The following ZBTB17 variants were observed in gnomAD, a reference collection of about 807,000 sequenced individuals.
ZBTB17 encodes the protein zinc finger and BTB domain-containing protein 17.
In ZBTB17, 24 loss-of-function variants were observed where a neutral mutation model predicts 85.1. The observed-to-expected ratio is 0.28, with a 90% CI of 0.20 to 0.40. The LOEUF is 0.40. ZBTB17 is among the 10% of genes least tolerant of loss of function. The probability of loss-of-function intolerance (pLI) is 1.00; values close to 1 mark genes in which losing one functional copy is unlikely to be tolerated. For synonymous variants in ZBTB17, 464 were observed against 460.2 expected, an observed-to-expected ratio of 1.01 and a Z score of -0.11; for missense variants, 743 against 1,105.1, an observed-to-expected ratio of 0.67 and a Z score of 4.65.
intron 2 of ZBTB17, among the ~76,000 whole-genome samples, chr1:15,955,013 G>A (rs2071994316): frequency 6.6e-6 from 1 of 152,278 alleles, no homozygotes; most frequent in South Asian, 2.1e-4. Context: ...AATTAGCTGG[G>A]TGTGGTGGTG....
At chr1:15,956,761 T>C (rs941727112) in intron 2 of ZBTB17, among the ~76,000 whole-genome samples, 2 of 152,194 alleles carry the variant, frequency 1.3e-5, no homozygotes, top group Non-Finnish European at 2.9e-5. Context: ...GGTACTATGT[T>C]AGAACTTCAA....
rs1570140092 is a variant in ZBTB17 at position 15,951,309 on chromosome 1, A to AAGGAAGGAAGGGAGAG, written c.-2-2828_-2-2813dup. Among the ~76,000 whole-genome samples, 1 of 129,840 alleles carries AAGGAAGGAAGGGAGAG rather than the reference A, an allele frequency of 7.7e-6. No homozygotes were observed. The highest frequency in any genetic ancestry group is 1.6e-5 in the Non-Finnish European group (1 of 61,206). The allele number at this position is 129,840 out of a possible 152,430, so 85.2% of individuals were successfully genotyped here. On this transcript the variant is annotated intron_variant, in intron 2 of 15. Transcript: ENST00000375743. The surrounding 1 kb of genome is among the most constrained non-coding windows in gnomAD (Gnocchi z 4.1). The stretch of plus-strand genomic sequence containing the variant: ...GGGAAGGAAAGGAGAGAGAAGAAGG[A>AAGGAAGGAAGGGAGAG]AGGAAGGAAGGGAGAGAGGGAGGGA...
At chr1:15,947,254 C>G in intron 3 of ZBTB17, 131 bp from the exon 4 acceptor site, 1 of 951,668 alleles carries the variant, frequency 1.1e-6, no homozygotes, top group Non-Finnish European at 1.6e-6. Context: ...ATCGCCCCAT[C>G]TCCTCTGTGG....
Position 15,973,906 on chromosome 1 carries a change from G to A in ZBTB17, c.-89-781C>T, listed in dbSNP as rs1182073104. ...TCTTCCTAATCCACAAATCTGATTCGTGGCCAGGCATGGTTGCACATGCCT... is the reference window on the plus strand; with the variant it reads ...TCTTCCTAATCCACAAATCTGATTCATGGCCAGGCATGGTTGCACATGCCT... On this transcript the variant is annotated intron_variant, in intron 1 of 15. Transcript: ENST00000375743. This position sits in a 1 kb window ranked among gnomAD's most constrained non-coding sequence, Gnocchi z 4.1. Among the ~76,000 whole-genome samples, 4 of 152,108 alleles carry A rather than the reference G, an allele frequency of 2.6e-5. No homozygotes were observed. Among genetic ancestry groups the A allele is most frequent in the Non-Finnish European group, 2.9e-5 (2 of 68,028 alleles).
intron 6 of ZBTB17, 31 bp from the exon 7 acceptor site, chr1:15,945,233 C>T: frequency 6.5e-7 from 1 of 1,547,388 alleles, no homozygotes; most frequent in Non-Finnish European, 8.7e-7. Flanking sequence ...ATGGAGGCGG[C>T]AGCCCTCTCT....
rs767349024 is a variant in ZBTB17 at position 15,951,762 on chromosome 1, G to C, written c.-2-3265C>G. On this transcript the variant is annotated intron_variant, in intron 2 of 15. Coordinates refer to ENST00000375743, the MANE Select transcript of ZBTB17 (RefSeq NM_003443.3). This position sits in a 1 kb window ranked among gnomAD's most constrained non-coding sequence, Gnocchi z 4.1. Reference sequence around the variant, plus strand: ...CTCAGCGACAGGAACCCAGCAGGACGGCCAGGCTTGGAGGGACATAGGAAA... The same window carrying C: ...CTCAGCGACAGGAACCCAGCAGGACCGCCAGGCTTGGAGGGACATAGGAAA... Among the ~76,000 whole-genome samples, 1 of 152,106 alleles carries C rather than the reference G, an allele frequency of 6.6e-6. No homozygotes were observed. The highest frequency in any genetic ancestry group is 1.5e-5 in the Non-Finnish European group (1 of 68,018).
chr1:15,961,113 C>G (rs1165807647), intron 2 of ZBTB17, among the ~76,000 whole-genome samples: 3 of 151,152 alleles, frequency 2.0e-5, no homozygotes, highest in Admixed American at 2.0e-4. Flanking sequence ...GACCCCGTCT[C>G]AAAAAAAGAA....
rs759468700 is a variant in ZBTB17 at position 15,945,813 on chromosome 1, G to C, written c.563C>G (p.Ala188Gly). ...CTCCACAGGCGGCGGCTCCCGGGGC[G>C]CATCGGCTTTCTCTGTCTGCTCTGC... is the stretch of plus-strand genomic sequence containing the variant. ...SGAEQTEKADAPREPPPVELK... is the reference protein window; with the variant it reads ...SGAEQTEKADGPREPPPVELK... Residue 188 changes from alanine (A) to glycine (G), a missense_variant, in exon 6 of 16, where the codon GCG (alanine) becomes GGG (glycine). Physicochemically the swap from Ala to Gly is moderately conservative, Grantham distance 60. This residue lies in a region of ZBTB17 where 279 missense variants were observed against 269.9 expected (regional missense o/e 1.03). Coordinates refer to ENST00000375743, the MANE Select transcript of ZBTB17 (RefSeq NM_003443.3). 1.2e-6 allele frequency: 2 copies of C among 1,601,284 alleles called. No homozygotes were observed. Among genetic ancestry groups the C allele is most frequent in the Non-Finnish European group, 1.7e-6 (2 of 1,178,166 alleles).
At chr1:15,963,041 T>C (rs369474883) in intron 2 of ZBTB17, among the ~76,000 whole-genome samples, 3 of 152,192 alleles carry the variant, frequency 2.0e-5, no homozygotes, top group African/African-American at 4.8e-5. Flanking sequence ...GGCAGGCAGA[T>C]TGCTTGAGCC....
chr1:15,955,278 T>C (rs1340348609), intron 2 of ZBTB17, among the ~76,000 whole-genome samples: 3 of 152,196 alleles, frequency 2.0e-5, no homozygotes, highest in Middle Eastern at 6.8e-3. Flanking sequence ...TGACAACATA[T>C]CCCTTTGAGT....
At position 15,945,103 on chromosome 1, in the gene ZBTB17, C is replaced by A; in HGVS notation, c.761G>T (p.Gly254Val). ...GAGPAEVKEE[G>V]SQLENGEAPE... ...GGCCTCTCCGTTCTCCAGCTGGGAACCCTCCTCCTTGACCTCAGCTGGCCC... is the reference window on the plus strand; with the variant it reads ...GGCCTCTCCGTTCTCCAGCTGGGAAACCTCCTCCTTGACCTCAGCTGGCCC... The change falls in exon 7 of 16, where the codon GGT (glycine) becomes GTT (valine). Residue 254 changes from glycine to valine, a missense_variant. Gly to Val is a moderately radical substitution (Grantham distance 109). Around this residue, in one of 4 missense-constraint regions of ZBTB17, gnomAD observed 279 missense variants for 269.9 expected, o/e 1.03. Coordinates refer to ENST00000375743, the MANE Select transcript of ZBTB17 (RefSeq NM_003443.3). The A allele has an allele frequency of 3.1e-6, 5 of 1,610,344 alleles. No homozygotes were observed. Among genetic ancestry groups the A allele is most frequent in the Admixed American group, 1.7e-5 (1 of 59,608 alleles).
chr1:15,948,702 T>A (rs2071712652), intron 2 of ZBTB17, among the ~76,000 whole-genome samples: 1 of 152,162 alleles, frequency 6.6e-6, no homozygotes, highest in Non-Finnish European at 1.5e-5. Flanking sequence ...ATTCCTGGGT[T>A]TACTGTCCAG....
intron 2 of ZBTB17, among the ~76,000 whole-genome samples, chr1:15,965,584 A>G (rs886274213): frequency 6.6e-6 from 1 of 152,246 alleles, no homozygotes; most frequent in Non-Finnish European, 1.5e-5. Flanking sequence ...TCCCAGCTGC[A>G]GTCCCTGGAG....
intron 6 of ZBTB17, 102 bp from the exon 7 acceptor site, chr1:15,945,304 C>G (rs987207257): frequency 1.4e-6 from 2 of 1,478,656 alleles, no homozygotes; most frequent in African/African-American, 2.8e-5. Flanking sequence ...GGCCCCAGCA[C>G]TGGCCAAGGA....
intron 2 of ZBTB17, among the ~76,000 whole-genome samples, chr1:15,971,381 C>CTATA (rs139943728): frequency 1.2e-4 from 16 of 132,454 alleles, no homozygotes; most frequent in South Asian, 2.4e-4. Flanking sequence ...TATACACACA[C>CTATA]TATATATATA....
At chr1:15,961,524 T>C (rs1409555452) in intron 2 of ZBTB17, among the ~76,000 whole-genome samples, 1 of 152,236 alleles carries the variant, frequency 6.6e-6, no homozygotes, top group Non-Finnish European at 1.5e-5. Context: ...ATGTCTCAGT[T>C]TCCAGTGAGT....
In ZBTB17 at chr1:15,973,542, T is replaced by A. The variant is rs1472740303; in HGVS notation, c.-89-417A>T. Among the ~76,000 whole-genome samples, 1 of 152,182 alleles carries A rather than the reference T, an allele frequency of 6.6e-6. No homozygotes were observed. Among genetic ancestry groups the A allele is most frequent in the Admixed American group, 6.5e-5 (1 of 15,270 alleles). On this transcript the variant is annotated intron_variant, in intron 1 of 15. Coordinates refer to ENST00000375743, the MANE Select transcript of ZBTB17 (RefSeq NM_003443.3). The surrounding 1 kb of genome is among the most constrained non-coding windows in gnomAD (Gnocchi z 4.1). ...ACCTTTGATGGTGATAACTACTAGC[T>A]GAACAGGTGCACTTGAATGTTTTAC...
chr1:15,970,203 T>C (rs1179832545), intron 2 of ZBTB17: 6 of 482,992 alleles, frequency 1.2e-5, no homozygotes. Context: ...GCCAAGCTGA[T>C]AAATGTCTAA....
At chr1:15,963,584 T>C (rs560420855) in intron 2 of ZBTB17, among the ~76,000 whole-genome samples, 1 of 152,164 alleles carries the variant, frequency 6.6e-6, no homozygotes, top group African/African-American at 2.4e-5. Flanking sequence ...ATATCAAATC[T>C]TGGTGCTGAA....
Sources: gnomAD v4.1 joint callset for allele counts (sites outside exome capture counted in the v4.1 genomes callset) on GRCh38, gnomAD v4.1.1 for gene constraint, gnomAD v4.1.1 regional missense constraint, Gnocchi (gnomAD v3.1) non-coding constraint, MANE v1.5 for transcripts, NCBI Gene and HGNC (gene_info 2026-07-23, HGNC 2026-07-21) for gene names.